Variants in RORA observed in about 807,000 individuals in gnomAD.
The protein encoded by RORA is nuclear receptor ROR-alpha.
Under a neutral mutation model 69.5 loss-of-function variants are expected in RORA, and 7 were observed. The ratio of observed to expected loss-of-function variants is 0.10; its 90% CI spans 0.06 to 0.19. RORA has a LOEUF of 0.19. Ranked by LOEUF, RORA falls within the 10% of genes least tolerant of loss-of-function variation. The pLI, the probability that RORA is intolerant of heterozygous loss-of-function variation, is 1.00. For missense variants in RORA, 457 were observed against 663.0 expected (o/e 0.69, Z 3.41); for synonymous variants, 261 against 240.8 (o/e 1.08, Z -0.78).
chr15:60,840,238 G>A (rs910926958), intron 1 of RORA, among the ~76,000 whole-genome samples: 4 of 152,170 alleles, frequency 2.6e-5, no homozygotes, highest in East Asian at 3.9e-4. Flanking sequence ...CTTTTGACTC[G>A]GAGGGCTCAT....
intron 1 of RORA, among the ~76,000 whole-genome samples, chr15:60,711,278 A>C (rs1197530586): frequency 6.6e-6 from 1 of 152,176 alleles, no homozygotes; most frequent in Non-Finnish European, 1.5e-5. Context: ...TCTAAACTGC[A>C]TACTTCTGCA....
At chr15:61,078,055 A>G (rs1382776163) in intron 1 of RORA, among the ~76,000 whole-genome samples, 1 of 152,232 alleles carries the variant, frequency 6.6e-6, no homozygotes, top group Admixed American at 6.5e-5. Context: ...CCTGATACCT[A>G]CTTCTTAGTG....
At chr15:60,680,827 G>A (rs1329515981) in intron 1 of RORA, among the ~76,000 whole-genome samples, 2 of 152,044 alleles carry the variant, frequency 1.3e-5, no homozygotes, top group African/African-American at 4.8e-5. Flanking sequence ...ATTTATTATA[G>A]CCAATGAAGA....
At chr15:61,129,492 T>C (rs1349085271) in intron 1 of RORA, among the ~76,000 whole-genome samples, 1 of 151,918 alleles carries the variant, frequency 6.6e-6, no homozygotes, top group East Asian at 1.9e-4. Context: ...GGGTTTCTGC[T>C]CGGGGGGATG....
chr15:60,606,372 T>C (rs1210674140), intron 2 of RORA, among the ~76,000 whole-genome samples: 1 of 152,248 alleles, frequency 6.6e-6, no homozygotes, highest in Non-Finnish European at 1.5e-5. Flanking sequence ...TACTTGGAAT[T>C]GGTATCTACG....
Position 60,850,495 on chromosome 15 carries a change from C to T in RORA, c.167-171809G>A, listed in dbSNP as rs536523583. On this transcript the variant is annotated intron_variant, in intron 1 of 10. Transcript: ENST00000335670. ...CCTCTCTAGACTTTGGGTTCCTCAT[C>T]TCTAAAATGGGGATAATAATGATAT... Among the ~76,000 whole-genome samples the T allele has an allele frequency of 2.6e-5, 4 of 152,268 alleles. No individual in the cohort carries two copies. In the South Asian group the frequency reaches 8.3e-4, roughly 32 times the overall value.
chr15:60,949,738 A>G (rs1395111001), intron 1 of RORA, among the ~76,000 whole-genome samples: 16 of 152,238 alleles, frequency 1.1e-4, no homozygotes, highest in Admixed American at 9.8e-4. Context: ...CTTTAGCATT[A>G]CATTTCCCAT....
intron 1 of RORA, among the ~76,000 whole-genome samples, chr15:60,780,236 T>C (rs2072233973): frequency 6.6e-6 from 1 of 152,200 alleles, no homozygotes; most frequent in South Asian, 2.1e-4. Flanking sequence ...TGGAGAACTT[T>C]TGGAGACTCT....
chr15:60,978,490 G>T (rs916962676), intron 1 of RORA, among the ~76,000 whole-genome samples: 2 of 152,066 alleles, frequency 1.3e-5, no homozygotes, highest in Non-Finnish European at 2.9e-5. Flanking sequence ...TTTCTTGGTA[G>T]TGTCCATTGA....
chr15:60,994,260 C>T (rs550205040), intron 1 of RORA, among the ~76,000 whole-genome samples: 1 of 152,232 alleles, frequency 6.6e-6, no homozygotes, highest in Non-Finnish European at 1.5e-5. Context: ...TGGGAAAAGC[C>T]CTCATAATTT....
chr15:61,176,212 T>G (rs190543298), intron 1 of RORA: 2 of 152,126 alleles, frequency 1.3e-5, no homozygotes, highest in Non-Finnish European at 2.9e-5. Context: ...AGGTTGCACA[T>G]GTGTTCAAAC....
intron 1 of RORA, among the ~76,000 whole-genome samples, chr15:60,866,820 T>TTATCTATCTATC (rs535434841): frequency 0.13 from 18,900 of 146,618 alleles, 1,405 homozygotes; most frequent in Middle Eastern, 0.18. Flanking sequence ...TATCTTATCT[T>TTATCTATCTATC]TATCTATCTA....
At chr15:61,081,139 C>T (rs771432561) in intron 1 of RORA, among the ~76,000 whole-genome samples, 1 of 152,196 alleles carries the variant, frequency 6.6e-6, no homozygotes, top group African/African-American at 2.4e-5. Context: ...ACATCTGTTA[C>T]CTCCTGCACC....
chr15:60,499,979 T>A lies in RORA; in HGVS notation c.1320A>T (p.Val440=). ...SADRSWLQEK[V]KIEKLQQKIQ... ...TTTTCTGTTGCAGTTTTTCAATTTTTACCTTTTCTTGCAGCCATGAGCGAT... is the reference window on the plus strand; with the variant it reads ...TTTTCTGTTGCAGTTTTTCAATTTTAACCTTTTCTTGCAGCCATGAGCGAT... The change falls in exon 10 of 11, where the codon GTA becomes GTT. Residue 440 remains valine, a synonymous_variant. Coordinates refer to ENST00000335670, the MANE Select transcript of RORA (RefSeq NM_134261.3). 6.2e-7 allele frequency: 1 copy of A among 1,612,722 alleles called. No individual in the cohort carries two copies. The highest frequency in any genetic ancestry group is 1.1e-5 in the South Asian group (1 of 90,998).
chr15:60,521,125 GATATATCAAACCAGAACT>G (rs1217043679), intron 3 of RORA, among the ~76,000 whole-genome samples: 3 of 152,118 alleles, frequency 2.0e-5, no homozygotes, highest in Non-Finnish European at 4.4e-5. Context: ...ATACACCTTA[GATATATCAAACCAGAACT>G]ATATATCAAA....
chr15:60,764,082 G>A (rs1347876900), intron 1 of RORA: 1 of 152,176 alleles, frequency 6.6e-6, no homozygotes, highest in East Asian at 1.9e-4. Context: ...CATTAATAAG[G>A]TGAGAGAATA....
Position 60,511,649 on chromosome 15 carries a change from C to T in RORA, c.425-28G>A. 1 of 1,565,168 alleles carries T rather than the reference C, an allele frequency of 6.4e-7. No individual in the cohort carries two copies. Reference sequence around the variant, plus strand: ...GGAAGAAAAAAGCCAAACCATACTACATACAATGCGCTTTTCTTCAATATT... The same window carrying T: ...GGAAGAAAAAAGCCAAACCATACTATATACAATGCGCTTTTCTTCAATATT... On this transcript the variant is annotated intron_variant, in intron 4 of 10. Transcript: ENST00000335670. The surrounding 1 kb of genome is among the most constrained non-coding windows in gnomAD (Gnocchi z 6.4).
rs71122860 is a variant in RORA, at chr15:60,493,949, TCACA to T, written c.*3502_*3505del. 0.13 allele frequency: 18,977 copies of T among 143,922 alleles called. 1,387 individuals are homozygous for T. The highest frequency in any genetic ancestry group is 0.17 in the Non-Finnish European group (10,940 of 66,032). The allele number at this position is 143,922 out of a possible 1,614,324, so 8.9% of individuals were successfully genotyped here. Reference sequence around the variant, plus strand: ...CGCACACACATCATACACATGCAAATCACACACACACACACACACACACACACAC... The same window carrying T: ...CGCACACACATCATACACATGCAAATCACACACACACACACACACACACAC... On this transcript the variant is annotated 3_prime_UTR_variant, in exon 11 of 11. Transcript: ENST00000335670.
At chr15:60,880,036 G>A (rs1339189361) in intron 1 of RORA, among the ~76,000 whole-genome samples, 1 of 152,122 alleles carries the variant, frequency 6.6e-6, no homozygotes, top group Non-Finnish European at 1.5e-5. Flanking sequence ...CTTCACCCAT[G>A]GGTCCTAGAA....
Sources: gnomAD v4.1 joint callset for allele counts (sites outside exome capture counted in the v4.1 genomes callset) on GRCh38, gnomAD v4.1.1 for gene constraint, Gnocchi (gnomAD v3.1) non-coding constraint, MANE v1.5 for transcripts, NCBI Gene and HGNC (gene_info 2026-07-23, HGNC 2026-07-21) for gene names.